FSD1L: variants seen among roughly 807,000 people sequenced by gnomAD.
FSD1L encodes the protein fibronectin type III and SPRY domain containing 1 like.
In FSD1L, 45 loss-of-function variants were observed where a neutral mutation model predicts 71.6. The observed-to-expected ratio is 0.63, with a 90% CI of 0.49 to 0.81. FSD1L has a LOEUF of 0.81. Among genes scored for constraint, FSD1L ranks in the 30% least tolerant of loss-of-function variants. FSD1L has a pLI of 0.00. For synonymous variants in FSD1L, 197 were observed against 207.2 expected (o/e 0.95, Z 0.42); for missense variants, 561 against 618.1 (o/e 0.91, Z 0.98).
intron 10 of FSD1L, chr9:105,521,172 C>T (rs1835127968): frequency 1.5e-5 from 24 of 1,613,930 alleles, no homozygotes; most frequent in Non-Finnish European, 2.0e-5. Context: ...TATTGTCATT[C>T]GTTGGCTGGT....
intron 7 of FSD1L, 110 bp downstream of exon 7, chr9:105,484,612 T>A (rs1157964465): frequency 2.2e-5 from 14 of 634,556 alleles, no homozygotes; most frequent in Non-Finnish European, 3.1e-5. Flanking sequence ...AGTGTGATTT[T>A]TTTTTCATTC....
Position 105,547,771 on chromosome 9 carries a change from T to G in FSD1L, c.*1288T>G, listed in dbSNP as rs907190218. On this transcript the variant is annotated 3_prime_UTR_variant, in exon 14 of 14. Transcript: ENST00000481272. ...TCCTTTGAGCTAAACTAAATTAAAA[T>G]TACAGTATTTAATAATTCTTTGGGC... The G allele has an allele frequency of 5.3e-5, 8 of 152,158 alleles. No individual in the cohort carries two copies. Among genetic ancestry groups the G allele is most frequent in the African/African-American group, 1.9e-4 (8 of 41,450 alleles). The allele number at this position is 152,158 out of a possible 1,614,324, so 9.4% of individuals were successfully genotyped here.
At chr9:105,468,030 A>G (rs978503942) in intron 3 of FSD1L, among the ~76,000 whole-genome samples, 163 bp from the exon 4 acceptor site, 3 of 152,218 alleles carry the variant, frequency 2.0e-5, no homozygotes, top group Admixed American at 1.3e-4. Context: ...TGTTGCATTT[A>G]TCTCTTTTTA....
At chr9:105,457,515 AAGGTTGAGATAT>A in intron 1 of FSD1L, among the ~76,000 whole-genome samples, 1 of 152,338 alleles carries the variant, frequency 6.6e-6, no homozygotes, top group Middle Eastern at 3.4e-3. Flanking sequence ...TGCTACAGTG[AAGGTTGAGATAT>A]AGGTTGAGAT....
In FSD1L at chr9:105,546,375, T is replaced by G; in HGVS notation, c.1485T>G (p.Leu495=). ...LPGFMVWCGG[L]SLSTGMQVPS... is the part of the protein sequence containing the mutation. ...TTTCTTAGGTATGGTGTGGTGGACT[T>G]TCTTTGAGTACTGGGATGCAGGTTC... Residue 495 remains leucine (L), a synonymous_variant, in exon 14 of 14, where the codon CTT becomes CTG. Transcript: ENST00000481272. 2 of 1,548,012 alleles carry G rather than the reference T, an allele frequency of 1.3e-6. No homozygotes were observed. The highest frequency in any genetic ancestry group is 1.7e-6 in the Non-Finnish European group (2 of 1,145,570).
chr9:105,475,955 G>T (rs76587268), intron 5 of FSD1L, among the ~76,000 whole-genome samples: 6,299 of 151,926 alleles, frequency 0.041, 444 homozygotes, highest in African/African-American at 0.14. Flanking sequence ...AGGAAAATAA[G>T]GCTTTGAGGC....
In FSD1L at chr9:105,533,777, C is replaced by T. The variant is rs181530862; in HGVS notation, c.1026-716C>T. Among the ~76,000 whole-genome samples the T allele has an allele frequency of 8.4e-3, 1,251 of 149,512 alleles. 19 individuals carry two copies. Among genetic ancestry groups the T allele is most frequent in the African/African-American group, 0.029 (1,194 of 40,604 alleles). On this transcript the variant is annotated intron_variant, in intron 10 of 13. Coordinates refer to ENST00000481272, the MANE Select transcript of FSD1L (RefSeq NM_001145313.3). ...TGCTCTTGTTGCCTAGGCTGGAGTGCAATGGTGCAATCATGGCTCACCCGC... is the reference window on the plus strand; with the variant it reads ...TGCTCTTGTTGCCTAGGCTGGAGTGTAATGGTGCAATCATGGCTCACCCGC...
At chr9:105,466,422 A>G (rs1408193656) in intron 3 of FSD1L, among the ~76,000 whole-genome samples, 1 of 152,204 alleles carries the variant, frequency 6.6e-6, no homozygotes, top group Non-Finnish European at 1.5e-5. Flanking sequence ...AGAATAACCA[A>G]AATTATCTTT....
At chr9:105,489,468 C>A (rs915626948) in intron 7 of FSD1L, among the ~76,000 whole-genome samples, 1 of 151,954 alleles carries the variant, frequency 6.6e-6, no homozygotes, top group Non-Finnish European at 1.5e-5. Flanking sequence ...GTAAATTCAC[C>A]TCAGCCTGCT....
intron 4 of FSD1L, among the ~76,000 whole-genome samples, chr9:105,469,855 T>G (rs558529549): frequency 1.3e-5 from 2 of 152,320 alleles, no homozygotes; most frequent in African/African-American, 2.4e-5. Context: ...TACAGTGTTA[T>G]GAAGCTTTTC....
At chr9:105,513,083 T>C (rs1253550269) in intron 10 of FSD1L, 147 bp downstream of exon 10, 25 of 610,520 alleles carry the variant, frequency 4.1e-5, no homozygotes, top group Admixed American at 1.2e-4. Context: ...ATAATACTAT[T>C]TGTCAGTAGT....
Position 105,546,627 on chromosome 9 carries a change from A to G in FSD1L, c.*144A>G. 2.9e-6 allele frequency: 2 copies of G among 701,590 alleles called. No individual in the cohort carries two copies. The highest frequency in any genetic ancestry group is 6.2e-5 in the East Asian group (2 of 32,234). The allele number at this position is 701,590 out of a possible 1,614,324, so 43.5% of individuals were successfully genotyped here. A position where few individuals can be genotyped will look rare whatever the true frequency, so the allele number is the denominator to read the frequency against. On this transcript the variant is annotated 3_prime_UTR_variant, in exon 14 of 14. Coordinates refer to ENST00000481272, the MANE Select transcript of FSD1L (RefSeq NM_001145313.3). ...TGGAATCTTTTATCATTAAACACCTAGTACGAAGCATTTGCAGGAACCTAC... is the reference window on the plus strand; with the variant it reads ...TGGAATCTTTTATCATTAAACACCTGGTACGAAGCATTTGCAGGAACCTAC...
At chr9:105,453,313 C>G (rs1830164551) in intron 1 of FSD1L, among the ~76,000 whole-genome samples, 1 of 151,800 alleles carries the variant, frequency 6.6e-6, no homozygotes, top group Non-Finnish European at 1.5e-5. Context: ...TCCCTCGTAG[C>G]TGGGATTATA....
At chr9:105,453,620 T>C (rs75260570) in intron 1 of FSD1L, among the ~76,000 whole-genome samples, 2,388 of 152,264 alleles carry the variant, frequency 0.016, 87 homozygotes, top group African/African-American at 0.054. Flanking sequence ...TAGAAATGAA[T>C]ACCATATTGA....
At chr9:105,518,928 AAAAG>A (rs1308545850) in intron 10 of FSD1L, among the ~76,000 whole-genome samples, 4 of 152,286 alleles carry the variant, frequency 2.6e-5, no homozygotes, top group Admixed American at 1.3e-4. Context: ...AATAAAGAAA[AAAAG>A]AGAGAAGAAT....
chr9:105,481,179 G>GTGTGTGTGTGTGTGTGTGTGGGT, intron 6 of FSD1L, among the ~76,000 whole-genome samples: 2 of 115,380 alleles, frequency 1.7e-5, no homozygotes, highest in South Asian at 5.3e-4. Flanking sequence ...GTGTGTGTGT[G>GTGTGTGTGTGTGTGTGTGTGGGT]GTTCTTTTTT....
Position 105,535,069 on chromosome 9 carries a change from G to A in FSD1L, c.1129G>A (p.Asp377Asn). The A allele has an allele frequency of 6.4e-7, 1 of 1,551,474 alleles. No individual in the cohort carries two copies. Among genetic ancestry groups the A allele is most frequent in the East Asian group, 2.4e-5 (1 of 40,898 alleles). ...TCTACCTTTCTGATCTTTTGTAGGAGACACTGCTATTGAAAGTGGACAACA... is the reference window on the plus strand; with the variant it reads ...TCTACCTTTCTGATCTTTTGTAGGAAACACTGCTATTGAAAGTGGACAACA... Reference protein sequence around the residue: ...FTGESYTVLGDTAIESGQHYW... With the variant: ...FTGESYTVLGNTAIESGQHYW... The change falls in exon 12 of 14, where the codon GAC (aspartate) becomes AAC (asparagine). Residue 377 changes from aspartate to asparagine, a missense_variant and splice_region_variant. Physicochemically the swap from Asp to Asn is conservative, Grantham distance 23. This residue lies in a region of FSD1L where 53 missense variants were observed against 102.2 expected (regional missense o/e 0.52). Transcript: ENST00000481272.
chr9:105,529,324 C>T (rs1301766095), intron 10 of FSD1L, among the ~76,000 whole-genome samples: 1 of 152,198 alleles, frequency 6.6e-6, no homozygotes, highest in Non-Finnish European at 1.5e-5. Flanking sequence ...CACATGCACA[C>T]ATATGTTTAT....
intron 9 of FSD1L, among the ~76,000 whole-genome samples, chr9:105,511,338 C>T (rs556563401): frequency 1.3e-5 from 2 of 152,010 alleles, no homozygotes; most frequent in South Asian, 2.1e-4. Context: ...ATTGGTGGCA[C>T]CTTAGAGTTA....
Sources: allele counts gnomAD v4.1 joint callset (sites outside exome capture counted in the v4.1 genomes callset), GRCh38; gene constraint gnomAD v4.1.1; regional missense constraint gnomAD v4.1.1; transcripts MANE v1.5; gene names NCBI Gene and HGNC (gene_info 2026-07-23, HGNC 2026-07-21).